CMTM8: variants seen among roughly 807,000 people sequenced by gnomAD.
CMTM8 encodes the protein CKLF-like MARVEL transmembrane domain-containing protein 8.
In CMTM8, 12 loss-of-function variants were observed where a neutral mutation model predicts 18.6. The ratio of observed to expected loss-of-function variants is 0.65; its 90% CI spans 0.41 to 1.05. CMTM8 has a LOEUF of 1.05. CMTM8 is among the 50% of genes least tolerant of loss of function. CMTM8 has a pLI of 0.00. For missense variants in CMTM8, 217 were observed against 227.2 expected (o/e 0.95, Z 0.29); for synonymous variants, 87 against 90.6 (o/e 0.96, Z 0.23).
At position 32,261,683 on chromosome 3, in the gene CMTM8, G is replaced by A. The variant is rs114519262; in HGVS notation, c.147+22564G>A. Among the ~76,000 whole-genome samples the A allele has an allele frequency of 2.0e-3, 303 of 152,282 alleles. 2 individuals are homozygous for A. Among genetic ancestry groups the A allele is most frequent in the African/African-American group, 6.8e-3 (284 of 41,568 alleles). Reference sequence around the variant, plus strand: ...ATAATAAACCAGTCCCAGGTTATGGGGAATCCCTCCTTTCTTTCATTTCCA... The same window carrying A: ...ATAATAAACCAGTCCCAGGTTATGGAGAATCCCTCCTTTCTTTCATTTCCA... On this transcript the variant is annotated intron_variant, in intron 1 of 3. Coordinates refer to ENST00000307526, the MANE Select transcript of CMTM8 (RefSeq NM_178868.5).
chr3:32,270,688 G>A (rs569792313), intron 1 of CMTM8, among the ~76,000 whole-genome samples: 40 of 152,196 alleles, frequency 2.6e-4, no homozygotes, highest in Admixed American at 7.2e-4. Context: ...CTTGGACACA[G>A]GAAGGGGAAC....
At chr3:32,262,666 A>G (rs1030411846) in intron 1 of CMTM8, among the ~76,000 whole-genome samples, 7 of 152,356 alleles carry the variant, frequency 4.6e-5, no homozygotes, top group Admixed American at 1.3e-4. Context: ...TGAGAAAGAT[A>G]ATGACGATGT....
chr3:32,352,831 A>C (rs1260885942), intron 1 of CMTM8, among the ~76,000 whole-genome samples: 1 of 149,534 alleles, frequency 6.7e-6, no homozygotes, highest in South Asian at 2.1e-4. Flanking sequence ...ACTTTTCTTT[A>C]TACTGTATTT....
intron 1 of CMTM8, among the ~76,000 whole-genome samples, chr3:32,352,468 G>T (rs1194819479): frequency 1.3e-5 from 2 of 152,192 alleles, no homozygotes; most frequent in African/African-American, 2.4e-5. Flanking sequence ...CAAGCGGTAG[G>T]CCTAGCCATT....
chr3:32,353,455 AGAC>A (rs1224432606), intron 1 of CMTM8, among the ~76,000 whole-genome samples: 2 of 152,222 alleles, frequency 1.3e-5, no homozygotes, highest in African/African-American at 4.8e-5. Flanking sequence ...AACATAAAGA[AGAC>A]AACCTAAATT....
rs72854403 is a variant in CMTM8, at chr3:32,239,190, C to T, written c.147+71C>T. On this transcript the variant is annotated intron_variant, in intron 1 of 3. Coordinates refer to ENST00000307526, the MANE Select transcript of CMTM8 (RefSeq NM_178868.5). ...CGGCGCGTGCTTCCGCCGTGCTTCT[C>T]GGGATGGAGCCTGCTCAGATCTTCC... 2.4e-4 allele frequency: 369 copies of T among 1,506,840 alleles called. No homozygotes were observed. The African/African-American group carries it at 4.7e-3, about 19-fold the overall frequency. 93.3% of individuals were successfully genotyped at this position (1,506,840 alleles called of 1,614,324 possible).
At chr3:32,321,051 C>T (rs2125577261) in intron 1 of CMTM8, among the ~76,000 whole-genome samples, 1 of 152,144 alleles carries the variant, frequency 6.6e-6, no homozygotes, top group East Asian at 1.9e-4. Context: ...TCAGGAATTG[C>T]TTTAGTGTTC....
intron 2 of CMTM8, among the ~76,000 whole-genome samples, chr3:32,361,127 A>G (rs55829522): frequency 6.6e-6 from 1 of 152,022 alleles, no homozygotes; most frequent in Admixed American, 6.5e-5. Flanking sequence ...GATTAAAGGC[A>G]TGCGCCACCA....
intron 1 of CMTM8, among the ~76,000 whole-genome samples, chr3:32,249,030 CTTTTTTTTTTTTTTTT>C (rs58156524): frequency 3.2e-5 from 2 of 62,462 alleles, no homozygotes; most frequent in African/African-American, 6.8e-5. Flanking sequence ...AATGTGGAAT[CTTTTTTTTTTTTTTTT>C]TTTTTTTTTT....
At chr3:32,263,540 C>T (rs1050813951) in intron 1 of CMTM8, among the ~76,000 whole-genome samples, 4 of 152,128 alleles carry the variant, frequency 2.6e-5, no homozygotes, top group Admixed American at 6.5e-5. Flanking sequence ...AAAATCAGAG[C>T]GCCTCTCCTC....
intron 1 of CMTM8, among the ~76,000 whole-genome samples, chr3:32,240,150 G>C (rs908561721): frequency 2.0e-5 from 3 of 152,360 alleles, no homozygotes; most frequent in Admixed American, 6.5e-5. Flanking sequence ...GTGCAGAAGT[G>C]ACTGAAGACC....
intron 1 of CMTM8, among the ~76,000 whole-genome samples, chr3:32,329,830 A>G (rs1696235830): frequency 6.6e-6 from 1 of 152,214 alleles, no homozygotes; most frequent in South Asian, 2.1e-4. Flanking sequence ...AACCAATGAC[A>G]TGACCTAGTA....
At chr3:32,293,914 T>TGTTGTGCAGGTGTATTG in intron 1 of CMTM8, among the ~76,000 whole-genome samples, 1 of 152,262 alleles carries the variant, frequency 6.6e-6, no homozygotes, top group East Asian at 1.9e-4. Context: ...CAGGTGTATC[T>TGTTGTGCAGGTGTATTG]GTTGTGCAGG....
At chr3:32,283,939 A>T (rs372807229) in intron 1 of CMTM8, among the ~76,000 whole-genome samples, 2 of 152,224 alleles carry the variant, frequency 1.3e-5, no homozygotes, top group East Asian at 3.8e-4. Context: ...TTATGAGTAT[A>T]CATAAACCCA....
intron 2 of CMTM8, among the ~76,000 whole-genome samples, chr3:32,366,632 G>A (rs1559391881): frequency 6.6e-6 from 1 of 152,202 alleles, no homozygotes; most frequent in African/African-American, 2.4e-5. Flanking sequence ...AAATTATGAA[G>A]TATTAGTGGC....
At chr3:32,359,320 G>A (rs1696876007) in intron 2 of CMTM8, among the ~76,000 whole-genome samples, 1 of 152,186 alleles carries the variant, frequency 6.6e-6, no homozygotes, top group South Asian at 2.1e-4. Context: ...AAAACTGGTG[G>A]TGGCCGGGCA....
At chr3:32,354,072 C>A (rs890833453) in intron 1 of CMTM8, among the ~76,000 whole-genome samples, 2 of 152,006 alleles carry the variant, frequency 1.3e-5, no homozygotes, top group African/African-American at 4.8e-5. Flanking sequence ...GTGTGAGCCA[C>A]CATGCCCGGC....
At chr3:32,325,372 A>G (rs1696130724) in intron 1 of CMTM8, among the ~76,000 whole-genome samples, 1 of 152,214 alleles carries the variant, frequency 6.6e-6, no homozygotes, top group African/African-American at 2.4e-5. Flanking sequence ...AGCCTCCACA[A>G]TTGTCAGTGC....
intron 1 of CMTM8, among the ~76,000 whole-genome samples, chr3:32,327,597 A>G (rs1696187562): frequency 1.3e-5 from 2 of 152,218 alleles, no homozygotes; most frequent in Non-Finnish European, 2.9e-5. Context: ...CAGATTCAGC[A>G]TATAGGGCTT....
Sources: gnomAD v4.1 joint callset for allele counts (sites outside exome capture counted in the v4.1 genomes callset) on GRCh38, gnomAD v4.1.1 for gene constraint, MANE v1.5 for transcripts, NCBI Gene and HGNC (gene_info 2026-07-23, HGNC 2026-07-21) for gene names.